Variants in RBFOX1 observed in about 807,000 individuals in gnomAD.
The protein encoded by RBFOX1 is RNA binding protein fox-1 homolog 1.
A neutral mutation model predicts 57.7 loss-of-function variants in RBFOX1; 8 were observed. That is an observed-to-expected ratio of 0.14 (90% confidence interval 0.08 to 0.25). The LOEUF (loss-of-function observed/expected upper bound fraction) is 0.25, where lower values mean the gene tolerates loss of function less well. RBFOX1 is among the 10% of genes least tolerant of loss of function. The pLI, the probability that RBFOX1 is intolerant of heterozygous loss-of-function variation, is 1.00. For synonymous variants in RBFOX1, 326 were observed against 222.4 expected, an observed-to-expected ratio of 1.47 and a Z score of -4.15; for missense variants, 611 against 548.5, an observed-to-expected ratio of 1.11 and a Z score of -1.14.
At chr16:7,663,110 TG>T (rs1460322879) in intron 12 of RBFOX1, among the ~76,000 whole-genome samples, 1 of 152,252 alleles carries the variant, frequency 6.6e-6, no homozygotes, top group Admixed American at 6.5e-5. Flanking sequence ...TCCTGTGGTT[TG>T]GGACCCAAAC....
At chr16:5,339,469 T>TG (rs1195649242) in intron 1 of RBFOX1, among the ~76,000 whole-genome samples, 3 of 108,522 alleles carry the variant, frequency 2.8e-5, no homozygotes, top group Admixed American at 1.1e-4. Flanking sequence ...GCTTTTTCCG[T>TG]GTTTTTTTTT....
intron 2 of RBFOX1, among the ~76,000 whole-genome samples, chr16:5,493,869 C>G (rs2042914744): frequency 6.6e-6 from 1 of 152,000 alleles, no homozygotes; most frequent in Admixed American, 6.6e-5. Context: ...CAACGGTAGC[C>G]AAAATATGAA....
chr16:7,574,017 C>A (rs1306759118), intron 5 of RBFOX1, among the ~76,000 whole-genome samples: 1 of 151,860 alleles, frequency 6.6e-6, no homozygotes, highest in Non-Finnish European at 1.5e-5. Context: ...TTTTCTTTTC[C>A]TTAGGAATTA....
At chr16:7,006,837 C>T (rs1014063188) in intron 3 of RBFOX1, among the ~76,000 whole-genome samples, 3 of 152,196 alleles carry the variant, frequency 2.0e-5, no homozygotes, top group Non-Finnish European at 2.9e-5. Context: ...AGCTCCCAAG[C>T]AGTGGAATCA....
intron 3 of RBFOX1, among the ~76,000 whole-genome samples, chr16:5,765,973 G>T (rs2053762633): frequency 6.6e-6 from 1 of 152,162 alleles, no homozygotes; most frequent in Admixed American, 6.5e-5. Flanking sequence ...CTTTGTCTCT[G>T]GGGTGCTCAG....
intron 1 of RBFOX1, among the ~76,000 whole-genome samples, chr16:6,306,847 C>T (rs1288604132): frequency 1.3e-5 from 2 of 151,978 alleles, no homozygotes; most frequent in East Asian, 1.9e-4. Flanking sequence ...TGTCACAGAC[C>T]CCCCAAAACT....
At chr16:6,027,588 G>C (rs1417957356) in intron 1 of RBFOX1, among the ~76,000 whole-genome samples, 1 of 152,158 alleles carries the variant, frequency 6.6e-6, no homozygotes, top group Non-Finnish European at 1.5e-5. Context: ...GGATTAATCA[G>C]CCTGGTAAAT....
intron 3 of RBFOX1, among the ~76,000 whole-genome samples, chr16:5,620,214 C>T (rs2048162707): frequency 6.6e-6 from 1 of 152,186 alleles, no homozygotes; most frequent in African/African-American, 2.4e-5. Context: ...ATCATCAGTC[C>T]TGGCATTAGC....
chr16:6,439,972 TAG>T (rs202162854), intron 2 of RBFOX1, among the ~76,000 whole-genome samples: 118 of 118,872 alleles, frequency 9.9e-4, no homozygotes, highest in Admixed American at 1.2e-3. Flanking sequence ...AGGTGGCCAT[TAG>T]TCTTACTCTG....
intron 3 of RBFOX1, among the ~76,000 whole-genome samples, chr16:5,796,888 G>A (rs4238860): frequency 0.39 from 58,769 of 151,952 alleles, 11,827 homozygotes; most frequent in East Asian, 0.48. Flanking sequence ...TTTGTTCATC[G>A]ATTATTTACT....
At chr16:6,204,779 A>T (rs1364956880) in intron 1 of RBFOX1, among the ~76,000 whole-genome samples, 1 of 152,110 alleles carries the variant, frequency 6.6e-6, no homozygotes, top group East Asian at 1.9e-4. Flanking sequence ...TTGACAATGG[A>T]TGCCTTTTGT....
At chr16:6,167,006 C>G (rs1017211981) in intron 1 of RBFOX1, among the ~76,000 whole-genome samples, 10 of 152,270 alleles carry the variant, frequency 6.6e-5, no homozygotes, top group African/African-American at 2.2e-4. Context: ...AACTCCTGAC[C>G]TCATGTTCTG....
chr16:7,450,587 A>G (rs904571969), intron 4 of RBFOX1, among the ~76,000 whole-genome samples: 3 of 152,050 alleles, frequency 2.0e-5, no homozygotes, highest in Non-Finnish European at 4.4e-5. Context: ...TAAGGAGGAA[A>G]AGAGCGTTAA....
intron 2 of RBFOX1, among the ~76,000 whole-genome samples, chr16:5,597,814 G>A (rs114760395): frequency 0.018 from 2,710 of 152,266 alleles, 75 homozygotes; most frequent in African/African-American, 0.062. Context: ...CTACGACGGT[G>A]ATTCACATCC....
At chr16:5,980,829 A>T (rs997439413) in intron 4 of RBFOX1, among the ~76,000 whole-genome samples, 1 of 151,374 alleles carries the variant, frequency 6.6e-6, no homozygotes, top group Non-Finnish European at 1.5e-5. Context: ...AGCAGACCTC[A>T]GGCTCAGACA....
intron 4 of RBFOX1, among the ~76,000 whole-genome samples, chr16:7,220,674 A>G (rs1245044112): frequency 1.3e-5 from 2 of 152,080 alleles, no homozygotes; most frequent in Non-Finnish European, 2.9e-5. Flanking sequence ...ACATGGGGGG[A>G]TGGCAGTATT....
intron 2 of RBFOX1, among the ~76,000 whole-genome samples, chr16:6,323,188 G>A (rs1445620951): frequency 6.6e-6 from 1 of 152,206 alleles, no homozygotes; most frequent in East Asian, 1.9e-4. Flanking sequence ...CTTCTTTATT[G>A]TTAGGACAGA....
At chr16:7,068,761 G>C (rs914944063) in intron 4 of RBFOX1, among the ~76,000 whole-genome samples, 2 of 152,142 alleles carry the variant, frequency 1.3e-5, no homozygotes, top group African/African-American at 4.8e-5. Context: ...CTAATTTTTT[G>C]TATTTTTAGC....
At chr16:6,120,781 C>G (rs2096543212) in intron 1 of RBFOX1, among the ~76,000 whole-genome samples, 1 of 152,128 alleles carries the variant, frequency 6.6e-6, no homozygotes, top group Non-Finnish European at 1.5e-5. Flanking sequence ...CGTTTCTCCT[C>G]TTTGTAAGAC....
Sources: gnomAD v4.1 joint callset for allele counts (sites outside exome capture counted in the v4.1 genomes callset) on GRCh38, gnomAD v4.1.1 for gene constraint, MANE v1.5 for transcripts, NCBI Gene and HGNC (gene_info 2026-07-23, HGNC 2026-07-21) for gene names.